Variants in FABP3 observed in about 807,000 individuals in gnomAD.
FABP3 encodes fatty acid-binding protein, heart.
FABP3 carries 8 observed loss-of-function variants against 13.4 expected under a neutral mutation model. The observed-to-expected ratio is 0.60, with a 90% CI of 0.35 to 1.07. FABP3 has a LOEUF of 1.07. Among genes scored for constraint, FABP3 ranks in the 50% least tolerant of loss-of-function variants. FABP3 has a pLI of 0.02. For synonymous variants in FABP3, 64 were observed against 60.0 expected, an observed-to-expected ratio of 1.07 and a Z score of -0.31; for missense variants, 135 against 164.7, an observed-to-expected ratio of 0.82 and a Z score of 0.99.
At chr1:31,359,852 AT>A in the FABP3 span, among the ~76,000 whole-genome samples, 22 of 150,992 alleles carry the variant, frequency 1.5e-4, no homozygotes, top group Non-Finnish European at 2.4e-4. Flanking sequence ...AATCCATGTC[AT>A]TTTTTTTTAA....
chr1:31,365,969 G>A (rs2148493435), intron 3 of FABP3, 30 bp from the exon 4 acceptor site: 3 of 1,607,986 alleles, frequency 1.9e-6, no homozygotes, highest in African/African-American at 1.3e-5. Flanking sequence ...GAGATGGGGG[G>A]TGGAGCCAGG....
rs1640083952 is a variant in FABP3 at position 31,365,416 on chromosome 1, A to T, written c.*470T>A. ...CTGGGGAAGCCCCATCACTGACTGAACTAGGTCATTTGACCATGGAGGGGG... is the reference window on the plus strand; with the variant it reads ...CTGGGGAAGCCCCATCACTGACTGATCTAGGTCATTTGACCATGGAGGGGG... On this transcript the variant is annotated 3_prime_UTR_variant, in exon 4 of 4. Coordinates refer to ENST00000373713, the MANE Select transcript of FABP3 (RefSeq NM_004102.5). Among the ~76,000 whole-genome samples, 1 of 152,170 alleles carries T rather than the reference A, an allele frequency of 6.6e-6. No homozygotes were observed. The highest frequency in any genetic ancestry group is 2.1e-4 in the South Asian group (1 of 4,824).
At chr1:31,363,550 G>A (rs1404811262), downstream of FABP3, among the ~76,000 whole-genome samples, 3 of 152,014 alleles carry the variant, frequency 2.0e-5, no homozygotes, top group South Asian at 2.1e-4. Context: ...ACAGCACTTC[G>A]GGAGGCCAAG....
At chr1:31,360,458 C>T (rs1198570533), downstream of FABP3, among the ~76,000 whole-genome samples, 3 of 152,218 alleles carry the variant, frequency 2.0e-5, no homozygotes, top group African/African-American at 2.4e-5. Flanking sequence ...CGTGAGCCAC[C>T]GCAACCAGGC....
chr1:31,365,900 C>T lies in FABP3; in HGVS notation c.388G>A (p.Glu130Lys). Residue 130 changes from glutamate (E) to lysine (K), a missense_variant, in exon 4 of 4, where the codon GAG (glutamate) becomes AAG (lysine). Coordinates refer to ENST00000373713, the MANE Select transcript of FABP3 (RefSeq NM_004102.5). ...GTGCAGTCAGGTCATGCCTCTTTCTCATAAGTGCGAGTGCAAACTGCAGTG... is the reference window on the plus strand; with the variant it reads ...GTGCAGTCAGGTCATGCCTCTTTCTTATAAGTGCGAGTGCAAACTGCAGTG... Reference protein sequence around the residue: ...HGTAVCTRTYEKEA With the variant: ...HGTAVCTRTYKKEA The T allele has an allele frequency of 1.9e-6, 3 of 1,613,958 alleles. No individual in the cohort carries two copies. The highest frequency in any genetic ancestry group is 2.5e-6 in the Non-Finnish European group (3 of 1,179,982).
chr1:31,366,610 G>C (rs1188453755), intron 3 of FABP3, among the ~76,000 whole-genome samples: 2 of 152,232 alleles, frequency 1.3e-5, no homozygotes, highest in Non-Finnish European at 2.9e-5. Flanking sequence ...ATGCCTAGGT[G>C]AAAACCTGAG....
chr1:31,366,428 G>A (rs1029549355), intron 3 of FABP3, among the ~76,000 whole-genome samples: 1 of 152,152 alleles, frequency 6.6e-6, no homozygotes, highest in African/African-American at 2.4e-5. Flanking sequence ...GCATCATAGA[G>A]CCAGACCCAT....
chr1:31,359,692 A>AG, the FABP3 span, among the ~76,000 whole-genome samples: 1 of 152,256 alleles, frequency 6.6e-6, no homozygotes, highest in East Asian at 1.9e-4. Context: ...TGCTCTAACA[A>AG]GGGATATGTG....
intron 2 of FABP3, 161 bp downstream of exon 2, chr1:31,369,224 T>C (rs1640162451): frequency 1.4e-6 from 1 of 740,248 alleles, no homozygotes; most frequent in Admixed American, 2.4e-5. Flanking sequence ...TTAGCATCAG[T>C]GGCATTCCAG....
downstream of FABP3, among the ~76,000 whole-genome samples, chr1:31,361,785 G>GATTA (rs74823245): frequency 7.1e-6 from 1 of 140,102 alleles, no homozygotes. Context: ...GAGAGGGGGA[G>GATTA]ATTATTTATT....
chr1:31,362,380 C>T (rs1313144329), downstream of FABP3, among the ~76,000 whole-genome samples: 1 of 152,228 alleles, frequency 6.6e-6, no homozygotes, highest in East Asian at 1.9e-4. Context: ...CTTTCTCCCT[C>T]TTCTTAGAAA....
chr1:31,364,250 G>A, downstream of FABP3: 1 of 1,556,328 alleles, frequency 6.4e-7, no homozygotes, highest in Non-Finnish European at 8.7e-7. Flanking sequence ...CTTGTGCCTT[G>A]AGACTCCTGG....
At position 31,372,963 on chromosome 1, in the gene FABP3, C is replaced by A; in HGVS notation, c.52G>T (p.Asp18Tyr). The change falls in exon 1 of 4, where the codon GAT becomes TAT. Residue 18 changes from aspartate to tyrosine, a missense_variant. Coordinates refer to ENST00000373713, the MANE Select transcript of FABP3 (RefSeq NM_004102.5). ...TCACCGAGTGACTTCATGTAGTCAT[C>A]GAAATTCTTGCTGTCCACTAGCTTC... is the stretch of plus-strand genomic sequence containing the variant. Reference protein sequence around the residue: ...TWKLVDSKNFDDYMKSLGVGF... With the variant: ...TWKLVDSKNFYDYMKSLGVGF... 4 of 1,613,850 alleles carry A rather than the reference C, an allele frequency of 2.5e-6. No individual in the cohort carries two copies. Among genetic ancestry groups the A allele is most frequent in the Non-Finnish European group, 3.4e-6 (4 of 1,180,040 alleles).
At chr1:31,366,565 C>T (rs757711895) in intron 3 of FABP3, among the ~76,000 whole-genome samples, 6 of 152,202 alleles carry the variant, frequency 3.9e-5, no homozygotes, top group Non-Finnish European at 8.8e-5. Context: ...ATGCAGTTAA[C>T]AGGTTATGCT....
rs940634525 is a variant in FABP3 at position 31,373,064 on chromosome 1, G to A, written c.-50C>T. 6.3e-7 allele frequency: 1 copy of A among 1,577,340 alleles called. No homozygotes were observed. Among genetic ancestry groups the A allele is most frequent in the South Asian group, 1.1e-5 (1 of 90,336 alleles). ...AAGCTACAAGAGAGCAGGCGTGCAA[G>A]GGCTCCGACGGCGGCTCCCTGCCCG... On this transcript the variant is annotated 5_prime_UTR_variant, in exon 1 of 4. Coordinates refer to ENST00000373713, the MANE Select transcript of FABP3 (RefSeq NM_004102.5).
intron 2 of FABP3, chr1:31,369,147 C>T (rs531334676): frequency 7.9e-6 from 4 of 509,484 alleles, no homozygotes; most frequent in East Asian, 6.1e-5. Flanking sequence ...CTGCCCATTC[C>T]GAGGCAGACA....
chr1:31,368,458 G>A (rs1557470097), intron 2 of FABP3, among the ~76,000 whole-genome samples: 1 of 152,174 alleles, frequency 6.6e-6, no homozygotes, highest in Non-Finnish European at 1.5e-5. Flanking sequence ...GTATGAGCAG[G>A]TGGTGGGGCA....
chr1:31,360,643 C>CT (rs759136351), downstream of FABP3, among the ~76,000 whole-genome samples: 1 of 152,210 alleles, frequency 6.6e-6, no homozygotes, highest in Non-Finnish European at 1.5e-5. Context: ...TTCTTGCTAG[C>CT]TAGAGTCCAT....
At chr1:31,366,239 C>G (rs1223454554) in intron 3 of FABP3, among the ~76,000 whole-genome samples, 1 of 152,030 alleles carries the variant, frequency 6.6e-6, no homozygotes, top group African/African-American at 2.4e-5. Context: ...TTTTCCTTCC[C>G]TTATACCATT....
Sources: allele counts gnomAD v4.1 joint callset (sites outside exome capture counted in the v4.1 genomes callset), GRCh38; gene constraint gnomAD v4.1.1; transcripts MANE v1.5; gene names NCBI Gene and HGNC (gene_info 2026-07-23, HGNC 2026-07-21).